Variants in CAMTA1 observed in about 807,000 individuals in gnomAD.
CAMTA1 encodes calmodulin binding transcription activator 1.
CAMTA1 carries 27 observed loss-of-function variants against 170.9 expected under a neutral mutation model. That is an observed-to-expected ratio of 0.16 (90% CI 0.12 to 0.22). The LOEUF (loss-of-function observed/expected upper bound fraction) is 0.22. Ranked by LOEUF, CAMTA1 falls within the 10% of genes least tolerant of loss-of-function variation. CAMTA1 has a pLI of 1.00. For missense variants in CAMTA1, 1,619 were observed against 2,217.2 expected, an observed-to-expected ratio of 0.73 and a Z score of 5.42; for synonymous variants, 833 against 891.5, an observed-to-expected ratio of 0.93 and a Z score of 1.17.
Position 6,943,796 on chromosome 1 carries a change from G to A in CAMTA1, c.234+118586G>A, listed in dbSNP as rs371652056. Among the ~76,000 whole-genome samples the A allele has an allele frequency of 1.2e-4, 15 of 128,350 alleles. No homozygotes were observed. The East Asian group carries it at 2.8e-3, about 24-fold the overall frequency. 84.2% of individuals were successfully genotyped at this position (128,350 alleles called of 152,430 possible). A position where few individuals can be genotyped will look rare whatever the true frequency, so the allele number is the denominator to read the frequency against. ...TGGGAGGCGGAGGTTGCAGTGAGCC[G>A]AAATCGTGCCACTGCACTCCAGCTT... On this transcript the variant is annotated intron_variant, in intron 3 of 22. Coordinates refer to ENST00000303635, the MANE Select transcript of CAMTA1 (RefSeq NM_015215.4).
chr1:7,440,446 G>A (rs562641228), intron 5 of CAMTA1, among the ~76,000 whole-genome samples: 3 of 152,242 alleles, frequency 2.0e-5, no homozygotes, highest in Non-Finnish European at 4.4e-5. Context: ...GGAGTTCCAC[G>A]GCACCGGCTG....
At chr1:7,377,432 T>A (rs1304617019) in intron 5 of CAMTA1, among the ~76,000 whole-genome samples, 1 of 152,186 alleles carries the variant, frequency 6.6e-6, no homozygotes, top group African/African-American at 2.4e-5. Flanking sequence ...TTCCCTGTGT[T>A]AGTAAAATGA....
At chr1:6,895,766 T>C (rs1487668241) in intron 3 of CAMTA1, among the ~76,000 whole-genome samples, 1 of 152,178 alleles carries the variant, frequency 6.6e-6, no homozygotes, top group African/African-American at 2.4e-5. Context: ...ACCTCAAATG[T>C]TATATCCTCA....
chr1:6,927,147 C>G (rs1438352706), intron 3 of CAMTA1, among the ~76,000 whole-genome samples: 1 of 152,048 alleles, frequency 6.6e-6, no homozygotes, highest in Non-Finnish European at 1.5e-5. Flanking sequence ...GCCTCAGCCT[C>G]CCGAGTAGCT....
At chr1:6,867,667 A>T (rs1394762315) in intron 3 of CAMTA1, among the ~76,000 whole-genome samples, 1 of 152,258 alleles carries the variant, frequency 6.6e-6, no homozygotes, top group Non-Finnish European at 1.5e-5. Flanking sequence ...ATAAAAATGT[A>T]ATCCCCACTA....
chr1:6,989,082 T>G (rs1695885757), intron 3 of CAMTA1, among the ~76,000 whole-genome samples: 1 of 152,128 alleles, frequency 6.6e-6, no homozygotes, highest in African/African-American at 2.4e-5. Context: ...GGGCAGAAGT[T>G]CCTTGGGAAA....
At chr1:7,089,117 TA>T (rs1641134057) in intron 3 of CAMTA1, among the ~76,000 whole-genome samples, 2 of 152,196 alleles carry the variant, frequency 1.3e-5, no homozygotes, top group Non-Finnish European at 2.9e-5. Flanking sequence ...TCACACCACG[TA>T]GATCTTATAA....
intron 7 of CAMTA1, among the ~76,000 whole-genome samples, chr1:7,640,886 G>A (rs1040953378): frequency 6.6e-6 from 1 of 152,190 alleles, no homozygotes; most frequent in African/African-American, 2.4e-5. Flanking sequence ...AGGCCGGCTG[G>A]GGAGGGAAAG....
chr1:7,110,087 C>G (rs1484786120), intron 4 of CAMTA1, among the ~76,000 whole-genome samples: 1 of 152,152 alleles, frequency 6.6e-6, no homozygotes, highest in East Asian at 1.9e-4. Flanking sequence ...TCAAGTGATT[C>G]ATCCTGTTCC....
intron 11 of CAMTA1, among the ~76,000 whole-genome samples, chr1:7,719,214 G>A (rs552008416): frequency 5.7e-4 from 86 of 152,150 alleles, no homozygotes; most frequent in Non-Finnish European, 1.0e-3. Flanking sequence ...CGTGGTGGAG[G>A]TGCCGTCGGT....
intron 5 of CAMTA1, among the ~76,000 whole-genome samples, chr1:7,329,515 T>C (rs960510163): frequency 1.3e-5 from 2 of 152,246 alleles, no homozygotes; most frequent in African/African-American, 4.8e-5. Context: ...TCTCAGGCTT[T>C]GTTTTTCTGA....
At chr1:7,157,121 T>A (rs1303091648) in intron 4 of CAMTA1, among the ~76,000 whole-genome samples, 8 of 151,632 alleles carry the variant, frequency 5.3e-5, no homozygotes, top group East Asian at 1.9e-4. Flanking sequence ...AGGTGGGCAG[T>A]TCACAAGGTC....
intron 6 of CAMTA1, among the ~76,000 whole-genome samples, chr1:7,543,113 C>T (rs1575915432): frequency 6.6e-6 from 1 of 152,110 alleles, no homozygotes; most frequent in Non-Finnish European, 1.5e-5. Flanking sequence ...GTAATCCGCC[C>T]ACCTCGGCCT....
At chr1:6,909,957 G>T (rs546896778) in intron 3 of CAMTA1, among the ~76,000 whole-genome samples, 1 of 152,218 alleles carries the variant, frequency 6.6e-6, no homozygotes, top group African/African-American at 2.4e-5. Flanking sequence ...GGGTGGCCCA[G>T]CCTGTATGGA....
At chr1:7,303,937 C>A (rs1233880816) in intron 5 of CAMTA1, among the ~76,000 whole-genome samples, 3 of 152,170 alleles carry the variant, frequency 2.0e-5, no homozygotes, top group Non-Finnish European at 2.9e-5. Context: ...AAGCTTTGTA[C>A]TAAGGCAAAG....
rs2095964625 is a variant in CAMTA1 at position 7,662,135 on chromosome 1, G to A, written c.805+269G>A. Among the ~76,000 whole-genome samples, 2 of 152,234 alleles carry A rather than the reference G, an allele frequency of 1.3e-5. 1 individual carries two copies. Among genetic ancestry groups the A allele is most frequent in the South Asian group, 4.1e-4 (2 of 4,834 alleles). ...TTCCTCCGTGGGGCAAGAACTGGGGGCAGCAGAGTTGGGGAAGCGAGGAGC... is the reference window on the plus strand; with the variant it reads ...TTCCTCCGTGGGGCAAGAACTGGGGACAGCAGAGTTGGGGAAGCGAGGAGC... On this transcript the variant is annotated intron_variant, in intron 8 of 22. Transcript: ENST00000303635.
chr1:6,876,479 C>A lies in CAMTA1; in HGVS notation c.234+51269C>A, dbSNP rs140853224. On this transcript the variant is annotated intron_variant, in intron 3 of 22. Transcript: ENST00000303635. ...CTGGGTTCTACCGATTCTCCTGCCT[C>A]AGCCTCCAAAGTAGCTGGGATTACA... Among the ~76,000 whole-genome samples, 113 of 152,072 alleles carry A rather than the reference C, an allele frequency of 7.4e-4. 1 individual carries two copies. The East Asian group carries it at 0.02, about 27-fold the overall frequency.
intron 5 of CAMTA1, among the ~76,000 whole-genome samples, chr1:7,432,078 G>A (rs1224668186): frequency 6.6e-6 from 1 of 152,244 alleles, no homozygotes; most frequent in African/African-American, 2.4e-5. Flanking sequence ...CTGGGAAGAT[G>A]ATCGAACAAC....
At chr1:7,724,179 C>T (rs1341046122) in intron 11 of CAMTA1, among the ~76,000 whole-genome samples, 1 of 152,186 alleles carries the variant, frequency 6.6e-6, no homozygotes, top group Non-Finnish European at 1.5e-5. Flanking sequence ...GATCCAAGGA[C>T]ACTAAGGAGA....
Sources: gnomAD v4.1 joint callset for allele counts (sites outside exome capture counted in the v4.1 genomes callset) on GRCh38, gnomAD v4.1.1 for gene constraint, MANE v1.5 for transcripts, NCBI Gene and HGNC (gene_info 2026-07-23, HGNC 2026-07-21) for gene names.